PCDH15: variants seen among roughly 807,000 people sequenced by gnomAD.
PCDH15 encodes the protein protocadherin related 15, also known as protocadherin-15.
Under a neutral mutation model 178.5 loss-of-function variants are expected in PCDH15, and 129 were observed. That is an observed-to-expected ratio of 0.72 (90% CI 0.63 to 0.84). The LOEUF (loss-of-function observed/expected upper bound fraction) is 0.84. Among genes scored for constraint, PCDH15 ranks in the 40% least tolerant of loss-of-function variants. The pLI is 0.00. For missense variants in PCDH15, 2,230 were observed against 2,099.9 expected, an observed-to-expected ratio of 1.06 and a Z score of -1.21; for synonymous variants, 800 against 732.0, an observed-to-expected ratio of 1.09 and a Z score of -1.50.
chr10:55,591,476 C>T (rs966911297), intron 2 of PCDH15, among the ~76,000 whole-genome samples: 2 of 151,540 alleles, frequency 1.3e-5, no homozygotes, highest in Admixed American at 6.6e-5. Flanking sequence ...ATAGGTAGAA[C>T]TTTTTCAGTA....
intron 2 of PCDH15, chr10:55,506,128 A>G (rs1160659455): frequency 1.3e-5 from 2 of 151,430 alleles, no homozygotes; most frequent in Non-Finnish European, 3.0e-5. Flanking sequence ...GACAGATTAG[A>G]GGTAGAAAAT....
intron 2 of PCDH15, among the ~76,000 whole-genome samples, chr10:55,456,275 TATTC>T (rs200975907): frequency 0.016 from 2,435 of 152,166 alleles, 34 homozygotes; most frequent in Middle Eastern, 0.061. Context: ...AACAGGAAAA[TATTC>T]ATAGTAGTTA....
At chr10:54,918,520 A>C (rs1837404539) in intron 2 of PCDH15, among the ~76,000 whole-genome samples, 2 of 152,194 alleles carry the variant, frequency 1.3e-5, no homozygotes, top group African/African-American at 4.8e-5. Context: ...AAAAAGGAGC[A>C]GTGCCTTTGT....
chr10:54,840,705 A>AAT (rs1360771361), intron 3 of PCDH15, among the ~76,000 whole-genome samples: 1 of 151,872 alleles, frequency 6.6e-6, no homozygotes, highest in Non-Finnish European at 1.5e-5. Flanking sequence ...TGACTTTAAG[A>AAT]ATATATATAG....
intron 2 of PCDH15, among the ~76,000 whole-genome samples, chr10:55,002,681 A>G (rs1839820778): frequency 2.3e-5 from 1 of 44,234 alleles, no homozygotes; most frequent in Non-Finnish European, 5.1e-5. Flanking sequence ...GACTACTTTC[A>G]AGAGACTCAG....
chr10:54,424,640 A>C (rs2135900876), intron 3 of PCDH15, among the ~76,000 whole-genome samples: 1 of 152,258 alleles, frequency 6.6e-6, no homozygotes, highest in East Asian at 1.9e-4. Flanking sequence ...ATGGATTAAG[A>C]AACTGTGGCA....
chr10:54,113,781 T>G (rs4614345), intron 15 of PCDH15, among the ~76,000 whole-genome samples: 1 of 151,996 alleles, frequency 6.6e-6, no homozygotes, highest in African/African-American at 2.4e-5. Context: ...TTACTATTAA[T>G]TATATTTGTA....
chr10:53,984,045 C>T lies in PCDH15; in HGVS notation c.2868+11604G>A, dbSNP rs549042921. On this transcript the variant is annotated intron_variant, in intron 21 of 37. Coordinates refer to ENST00000644397, the MANE Select transcript of PCDH15 (RefSeq NM_001384140.1). ...CTCCGCTCAGAATCACTTCTAGAACCTTCCTTGACTCTCTAGATACAATCA... is the reference window on the plus strand; with the variant it reads ...CTCCGCTCAGAATCACTTCTAGAACTTTCCTTGACTCTCTAGATACAATCA... 4.2e-4 allele frequency among the ~76,000 whole-genome samples: 64 copies of T among 151,788 alleles called. 1 individual carries two copies. In the South Asian group the frequency reaches 0.012, roughly 29 times the overall value.
intron 2 of PCDH15, among the ~76,000 whole-genome samples, chr10:55,439,809 AG>A (rs1237894924): frequency 6.6e-6 from 1 of 152,154 alleles, no homozygotes; most frequent in Non-Finnish European, 1.5e-5. Context: ...AAAGGTAATA[AG>A]GCTACTATAA....
chr10:53,908,093 G>A (rs1052063457), intron 25 of PCDH15, among the ~76,000 whole-genome samples: 1 of 152,084 alleles, frequency 6.6e-6, no homozygotes, highest in Non-Finnish European at 1.5e-5. Flanking sequence ...TGAGTTAAAA[G>A]TGTTCTCAAC....
At chr10:54,385,174 A>G (rs1949765325) in intron 3 of PCDH15, among the ~76,000 whole-genome samples, 1 of 152,124 alleles carries the variant, frequency 6.6e-6, no homozygotes, top group African/African-American at 2.4e-5. Context: ...ATAAATTTGT[A>G]CAATAGAAAA....
At chr10:53,932,903 T>C (rs1425218962) in intron 25 of PCDH15, among the ~76,000 whole-genome samples, 2 of 152,134 alleles carry the variant, frequency 1.3e-5, no homozygotes, top group Non-Finnish European at 2.9e-5. Flanking sequence ...GGCTTGGTGT[T>C]GTCTTTGCCA....
intron 32 of PCDH15, chr10:53,822,426 G>A: frequency 6.3e-7 from 1 of 1,580,120 alleles, no homozygotes; most frequent in Non-Finnish European, 8.6e-7. Flanking sequence ...GTCAGGAGGA[G>A]GAGCAAGAGG....
At chr10:54,731,537 G>GATATATATATATATATATA (rs1180926059) in intron 1 of PCDH15, among the ~76,000 whole-genome samples, 4 of 17,930 alleles carry the variant, frequency 2.2e-4, no homozygotes, top group Non-Finnish European at 7.7e-4. Flanking sequence ...TAAAGAAAAT[G>GATATATATATATATATATA]TGAGATAGAT....
chr10:54,282,935 A>G (rs900226864), intron 8 of PCDH15, among the ~76,000 whole-genome samples: 3 of 152,104 alleles, frequency 2.0e-5, no homozygotes, highest in Non-Finnish European at 4.4e-5. Flanking sequence ...TATGAGTAAA[A>G]CTTTGTGACA....
At chr10:54,290,250 TAAAGA>T (rs1177733677) in intron 8 of PCDH15, among the ~76,000 whole-genome samples, 1 of 152,130 alleles carries the variant, frequency 6.6e-6, no homozygotes, top group Non-Finnish European at 1.5e-5. Context: ...TCAACGTTCT[TAAAGA>T]AAAGAATTTT....
At chr10:55,433,350 G>C (rs2039336778) in intron 2 of PCDH15, among the ~76,000 whole-genome samples, 1 of 151,856 alleles carries the variant, frequency 6.6e-6, no homozygotes, top group South Asian at 2.1e-4. Context: ...GTTTTCACTC[G>C]TAAGTGGTAG....
chr10:55,323,176 C>T (rs1387480982), upstream of PCDH15, among the ~76,000 whole-genome samples: 1 of 152,202 alleles, frequency 6.6e-6, no homozygotes, highest in African/African-American at 2.4e-5. Context: ...GATTTGGGAA[C>T]TTCCATCTAG....
intron 2 of PCDH15, among the ~76,000 whole-genome samples, chr10:55,043,987 C>A (rs1045599538): frequency 1.3e-5 from 2 of 151,988 alleles, no homozygotes; most frequent in African/African-American, 4.8e-5. Context: ...TAAAAGAGAT[C>A]CAGAATATAG....
Sources: gnomAD v4.1 joint callset for allele counts (sites outside exome capture counted in the v4.1 genomes callset) on GRCh38, gnomAD v4.1.1 for gene constraint, MANE v1.5 for transcripts, NCBI Gene and HGNC (gene_info 2026-07-23, HGNC 2026-07-21) for gene names.